The following PIP5K1C variants were observed in gnomAD, a reference collection of about 807,000 sequenced individuals.
PIP5K1C encodes the protein phosphatidylinositol-4-phosphate 5-kinase type 1 gamma.
In PIP5K1C, 45 loss-of-function variants were observed where a neutral mutation model predicts 80.1. The ratio of observed to expected loss-of-function variants is 0.56; its 90% confidence interval spans 0.44 to 0.72. The LOEUF is 0.72. Among genes scored for constraint, PIP5K1C ranks in the 30% least tolerant of loss-of-function variants. PIP5K1C has a pLI of 0.00. For missense variants in PIP5K1C, 753 were observed against 954.6 expected (o/e 0.79, Z 2.78); for synonymous variants, 498 against 420.1 (o/e 1.19, Z -2.27).
intron 1 of PIP5K1C, among the ~76,000 whole-genome samples, chr19:3,689,536 C>T (rs2035879870): frequency 6.6e-6 from 1 of 152,080 alleles, no homozygotes; most frequent in Non-Finnish European, 1.5e-5. Flanking sequence ...GTAATCCCAG[C>T]TACTTGGGAG....
Position 3,631,670 on chromosome 19 carries a change from C to G in PIP5K1C, c.*1497G>C, listed in dbSNP as rs765135729. On this transcript the variant is annotated 3_prime_UTR_variant, in exon 18 of 18. Transcript: ENST00000335312. ...TCGCTGGGGACCTCGGGGATGGGTC[C>G]GGCTTCTCCACAGCAGGGGCCTTCC... is the stretch of plus-strand genomic sequence containing the variant. The G allele has an allele frequency of 1.3e-5, 2 of 152,360 alleles. No individual in the cohort carries two copies. Among genetic ancestry groups the G allele is most frequent in the Non-Finnish European group, 2.9e-5 (2 of 68,182 alleles). 9.4% of individuals were successfully genotyped at this position (152,360 alleles called of 1,614,324 possible). A position where few individuals can be genotyped will look rare whatever the true frequency, so the allele number is the denominator to read the frequency against.
chr19:3,648,853 G>A lies in PIP5K1C; in HGVS notation c.1128-145C>T, dbSNP rs1045897429. On this transcript the variant is annotated intron_variant, in intron 8 of 17. Coordinates refer to ENST00000335312, the MANE Select transcript of PIP5K1C (RefSeq NM_012398.3). This position sits in a 1 kb window ranked among gnomAD's most constrained non-coding sequence, Gnocchi z 4.3. ...GCTCTCGGAGTGGGGCCTGGCACCCGGGAACCTCTGTCCTGACATCCCTCC... is the reference window on the plus strand; with the variant it reads ...GCTCTCGGAGTGGGGCCTGGCACCCAGGAACCTCTGTCCTGACATCCCTCC... 1.6e-4 allele frequency: 107 copies of A among 673,894 alleles called. No homozygotes were observed. The highest frequency in any genetic ancestry group is 2.5e-4 in the Non-Finnish European group (92 of 375,218). 41.7% of individuals were successfully genotyped at this position (673,894 alleles called of 1,614,324 possible). A position where few individuals can be genotyped will look rare whatever the true frequency, so the allele number is the denominator to read the frequency against.
intron 5 of PIP5K1C, among the ~76,000 whole-genome samples, chr19:3,657,713 C>T (rs2034684158): frequency 6.6e-6 from 1 of 151,712 alleles, no homozygotes; most frequent in African/African-American, 2.4e-5. Flanking sequence ...ATCATTTGAG[C>T]CCAGGAGTTC....
At chr19:3,662,089 C>T (rs1223134824) in intron 3 of PIP5K1C, 88 bp from the exon 4 acceptor site, 5 of 1,476,300 alleles carry the variant, frequency 3.4e-6, no homozygotes, top group Non-Finnish European at 4.6e-6. Context: ...GAGATCGTGA[C>T]CAGCTGCAGC....
chr19:3,668,794 G>A (rs528436978), intron 1 of PIP5K1C, among the ~76,000 whole-genome samples: 118 of 152,302 alleles, frequency 7.7e-4, no homozygotes, highest in African/African-American at 2.7e-3. Flanking sequence ...GCTTCCCTGG[G>A]CTGGTCCTGT....
intron 5 of PIP5K1C, among the ~76,000 whole-genome samples, chr19:3,657,482 C>T (rs539544585): frequency 2.6e-5 from 4 of 152,170 alleles, no homozygotes; most frequent in Non-Finnish European, 5.9e-5. Flanking sequence ...TCCCCATCAG[C>T]GGAGCAAGCC....
intron 1 of PIP5K1C, among the ~76,000 whole-genome samples, chr19:3,671,067 A>G (rs118118372): frequency 6.6e-6 from 1 of 152,262 alleles, no homozygotes; most frequent in Admixed American, 6.5e-5. Context: ...GAAGGAAAAG[A>G]AGAGAGGGCA....
Position 3,696,700 on chromosome 19 carries a change from G to C in PIP5K1C, c.94+3597C>G, listed in dbSNP as rs1379198142. Among the ~76,000 whole-genome samples, 1 of 134,758 alleles carries C rather than the reference G, an allele frequency of 7.4e-6. No homozygotes were observed. The highest frequency in any genetic ancestry group is 1.5e-5 in the Non-Finnish European group (1 of 65,626). 88.4% of individuals were successfully genotyped at this position (134,758 alleles called of 152,430 possible). ...AAGGGGCCCATGGGCCTACAGCAGA[G>C]TGCAGACGGGAGGGCAGGGAGGGCA... On this transcript the variant is annotated intron_variant, in intron 1 of 17. Transcript: ENST00000335312. The surrounding 1 kb of genome is among the most constrained non-coding windows in gnomAD (Gnocchi z 4.1).
chr19:3,673,603 C>A (rs2035275704), intron 1 of PIP5K1C: 1 of 152,270 alleles, frequency 6.6e-6, no homozygotes, highest in Non-Finnish European at 1.5e-5. Flanking sequence ...CGCCGTGACA[C>A]AGCAACCCGG....
In PIP5K1C at chr19:3,633,461, C is replaced by CGG; in HGVS notation, c.1978_1979dup (p.Ala661ArgfsTer225). The CGG allele has an allele frequency of 1.3e-6, 2 of 1,502,032 alleles. No individual in the cohort carries two copies. The highest frequency in any genetic ancestry group is 1.8e-6 in the Non-Finnish European group (2 of 1,122,594). 93.0% of individuals were successfully genotyped at this position (1,502,032 alleles called of 1,614,324 possible). A position where few individuals can be genotyped will look rare whatever the true frequency, so the allele number is the denominator to read the frequency against. Reference sequence around the variant, plus strand: ...CTGTGTCGCTCTCGCCGTCGGAGGCCGGGGGGGCCTGGGCGCTATAGTGGA... The same window carrying CGG: ...CTGTGTCGCTCTCGCCGTCGGAGGCCGGGGGGGGGCCTGGGCGCTATAGTGGA... On this transcript the variant is annotated frameshift_variant, in exon 17 of 18. Transcript: ENST00000335312. LOFTEE classifies it high-confidence loss of function.
At chr19:3,698,710 G>A (rs955777598) in intron 1 of PIP5K1C, among the ~76,000 whole-genome samples, 5 of 152,168 alleles carry the variant, frequency 3.3e-5, no homozygotes, top group Non-Finnish European at 5.9e-5. Flanking sequence ...AACCATCTCG[G>A]TGAAGAACAA....
chr19:3,664,689 A>G, intron 3 of PIP5K1C, 133 bp downstream of exon 3: 1 of 810,484 alleles, frequency 1.2e-6, no homozygotes, highest in Admixed American at 1.8e-5. Flanking sequence ...CTGCCTCCAC[A>G]CAGCCCACAC....
Position 3,645,917 on chromosome 19 carries a change from CG to C in PIP5K1C, c.1345+56del. ...CTCCCGCAGAGTCCCTCCTGCCCCA[CG>C]GCGCTCTGGGCCTTCCCCAGGGTCC... On this transcript the variant is annotated intron_variant, in intron 11 of 17. Coordinates refer to ENST00000335312, the MANE Select transcript of PIP5K1C (RefSeq NM_012398.3). 2.9e-6 allele frequency: 4 copies of C among 1,383,814 alleles called. No homozygotes were observed. In the South Asian group the frequency reaches 4.6e-5, roughly 16 times the overall value. 85.7% of individuals were successfully genotyped at this position (1,383,814 alleles called of 1,614,324 possible).
rs1168507204 is a variant in PIP5K1C at position 3,688,087 on chromosome 19, GC to G, written c.94+12209del. Among the ~76,000 whole-genome samples, 1 of 152,156 alleles carries G rather than the reference GC, an allele frequency of 6.6e-6. No homozygotes were observed. Among genetic ancestry groups the G allele is most frequent in the East Asian group, 1.9e-4 (1 of 5,166 alleles). The stretch of plus-strand genomic sequence containing the variant: ...GAGCACACGCCAGCCCCTGGGGGAA[GC>G]CCGGCCCGTGCGGGCTGCGGGAGAT... On this transcript the variant is annotated intron_variant, in intron 1 of 17. Coordinates refer to ENST00000335312, the MANE Select transcript of PIP5K1C (RefSeq NM_012398.3). This position sits in a 1 kb window ranked among gnomAD's most constrained non-coding sequence, Gnocchi z 5.3.
At position 3,647,345 on chromosome 19, in the gene PIP5K1C, T is replaced by C. The variant is rs2034274538; in HGVS notation, c.1253A>G (p.His418Arg). 1 of 1,576,936 alleles carries C rather than the reference T, an allele frequency of 6.3e-7. No homozygotes were observed. Among genetic ancestry groups the C allele is most frequent in the African/African-American group, 1.4e-5 (1 of 73,734 alleles). Residue 418 changes from histidine to arginine, a missense_variant, in exon 10 of 18, where the codon CAC (histidine) becomes CGC (arginine). Physicochemically the swap from His to Arg is conservative, Grantham distance 29. Around this residue, in one of 6 missense-constraint regions of PIP5K1C, gnomAD observed 114 missense variants for 152.4 expected, o/e 0.75. Coordinates refer to ENST00000335312, the MANE Select transcript of PIP5K1C (RefSeq NM_012398.3). ...KLEHTWKALV[H>R]DGDTVSVHRP... ...GAGGGTGCAGGCGCTCACCCCATCG[T>C]GGACGAGGGCCTTCCAGGTGTGCTC...
chr19:3,637,160 G>A lies in PIP5K1C; in HGVS notation c.1920+1724C>T, dbSNP rs1164956392. On this transcript the variant is annotated intron_variant, in intron 16 of 17. Transcript: ENST00000335312. The surrounding 1 kb of genome is among the most constrained non-coding windows in gnomAD (Gnocchi z 7.0). ...CAGCCAGCGGGGCCACGGGCAGCCA[G>A]GTCTGCACGAGTGAGAAGCGTCCAC... 13 of 1,413,724 alleles carry A rather than the reference G, an allele frequency of 9.2e-6. No individual in the cohort carries two copies. In the African/African-American group the frequency reaches 1.7e-4, roughly 19 times the overall value. 87.6% of individuals were successfully genotyped at this position (1,413,724 alleles called of 1,614,324 possible). A position where few individuals can be genotyped will look rare whatever the true frequency, so the allele number is the denominator to read the frequency against.
At chr19:3,644,378 C>A in intron 11 of PIP5K1C, 127 bp from the exon 12 acceptor site, 1 of 904,948 alleles carries the variant, frequency 1.1e-6, no homozygotes, top group South Asian at 1.6e-5. Flanking sequence ...TCCCTGAGGC[C>A]AGGAAGCACC....
Position 3,653,594 on chromosome 19 carries a change from CG to C in PIP5K1C, c.622-6del. On this transcript the variant is annotated splice_region_variant and splice_polypyrimidine_tract_variant and intron_variant, in intron 6 of 17. Coordinates refer to ENST00000335312, the MANE Select transcript of PIP5K1C (RefSeq NM_012398.3). ...CCGCGGGTTCTGGTTGAGGTTCTGC[CG>C]GGGGAAGAGGGCAAGTCGTGGAGGG... 1 of 1,604,200 alleles carries C rather than the reference CG, an allele frequency of 6.2e-7. No individual in the cohort carries two copies. Among genetic ancestry groups the C allele is most frequent in the Non-Finnish European group, 8.5e-7 (1 of 1,173,038 alleles).
intron 5 of PIP5K1C, among the ~76,000 whole-genome samples, chr19:3,659,890 C>CG (rs1291953723): frequency 6.6e-6 from 1 of 152,198 alleles, no homozygotes; most frequent in Admixed American, 6.5e-5. Context: ...AGGGCAGGAT[C>CG]GGAGAACCAC....
Sources: gnomAD v4.1 joint callset for allele counts (sites outside exome capture counted in the v4.1 genomes callset) on GRCh38, gnomAD v4.1.1 for gene constraint, gnomAD v4.1.1 regional missense constraint, Gnocchi (gnomAD v3.1) non-coding constraint, MANE v1.5 for transcripts, NCBI Gene and HGNC (gene_info 2026-07-23, HGNC 2026-07-21) for gene names.